Variants in SLC6A17 observed in about 807,000 individuals in gnomAD.
SLC6A17 encodes sodium-dependent neutral amino acid transporter SLC6A17.
Under a neutral mutation model 64.5 loss-of-function variants are expected in SLC6A17, and 21 were observed. The ratio of observed to expected loss-of-function variants is 0.33; its 90% confidence interval spans 0.23 to 0.47. The LOEUF is 0.47. Among genes scored for constraint, SLC6A17 ranks in the 20% least tolerant of loss-of-function variants. SLC6A17 has a pLI of 1.00. For missense variants in SLC6A17, 682 were observed against 963.2 expected (o/e 0.71, Z 3.86); for synonymous variants, 372 against 399.5 (o/e 0.93, Z 0.82).
At chr1:110,158,715 G>T (rs1010106754) in intron 1 of SLC6A17, among the ~76,000 whole-genome samples, 5 of 152,320 alleles carry the variant, frequency 3.3e-5, no homozygotes, top group South Asian at 2.1e-4. Flanking sequence ...GGTTTTCCTG[G>T]CTCTAAAACC....
At position 110,191,995 on chromosome 1, in the gene SLC6A17, G is replaced by T. The variant is rs1347907695; in HGVS notation, c.888G>T (p.Gln296His). The T allele has an allele frequency of 6.2e-7, 1 of 1,613,630 alleles. No homozygotes were observed. The highest frequency in any genetic ancestry group is 1.3e-5 in the African/African-American group (1 of 75,038). ...TPKLDKMLDP[Q>H]VWREAATQVF... ...AGCTGGACAAGATGCTGGACCCCCA[G>T]GTGTGGCGGGAGGCAGCTACCCAGG... is the stretch of plus-strand genomic sequence containing the variant. The change falls in exon 7 of 12, where the codon CAG becomes CAT. Residue 296 changes from glutamine to histidine, a missense_variant. Coordinates refer to ENST00000331565, the MANE Select transcript of SLC6A17 (RefSeq NM_001010898.4).
intron 6 of SLC6A17, among the ~76,000 whole-genome samples, chr1:110,185,175 A>G (rs940495816): frequency 6.6e-6 from 1 of 152,222 alleles, no homozygotes; most frequent in African/African-American, 2.4e-5. Flanking sequence ...CTTTGCCCTG[A>G]GGGTCTCAGT....
chr1:110,167,109 G>T lies in SLC6A17; in HGVS notation c.180G>T (p.Arg60=), dbSNP rs771431886. 8.1e-6 allele frequency: 13 copies of T among 1,612,990 alleles called. No homozygotes were observed. In the East Asian group the frequency reaches 2.9e-4, roughly 36 times the overall value. The change falls in exon 2 of 12, where the codon CGG becomes CGT. Residue 60 remains arginine, a synonymous_variant. Coordinates refer to ENST00000331565, the MANE Select transcript of SLC6A17 (RefSeq NM_001010898.4). ...AVEEELDAED[R]PAWNSKLQYI... ...AGGAGGAGCTGGATGCAGAGGACCG[G>T]CCGGCCTGGAACAGTAAGCTGCAGT...
chr1:110,159,405 C>T (rs1449361209), intron 1 of SLC6A17, among the ~76,000 whole-genome samples: 1 of 152,216 alleles, frequency 6.6e-6, no homozygotes, highest in Non-Finnish European at 1.5e-5. Context: ...AGTTCCTCCC[C>T]CTCTGGACCA....
rs184557749 is a variant in SLC6A17 at position 110,197,581 on chromosome 1, C to T, written c.1797C>T (p.Ser599=). The change falls in exon 11 of 12, where the codon AGC becomes AGT. Residue 599 remains serine, a synonymous_variant. Transcript: ENST00000331565. The part of the protein sequence containing the change: ...IQLGVTPPGY[S]AWIKEEAAER... ...TGGGGGTCACGCCCCCGGGCTACAG[C>T]GCCTGGATCAAGGAGGAGGTGAGGG... is the stretch of plus-strand genomic sequence containing the variant. 1.8e-5 allele frequency: 29 copies of T among 1,604,384 alleles called. No homozygotes were observed. The highest frequency in any genetic ancestry group is 1.7e-4 in the Middle Eastern group (1 of 5,980).
intron 1 of SLC6A17, among the ~76,000 whole-genome samples, chr1:110,153,519 ATGTGTGTGTGTG>A (rs3222731): frequency 2.2e-5 from 3 of 137,228 alleles, no homozygotes; most frequent in Non-Finnish European, 3.2e-5. Context: ...GCTACTGGAA[ATGTGTGTGTGTG>A]TGTGTGTGTG....
At chr1:110,187,253 C>T (rs1441097650) in intron 6 of SLC6A17, among the ~76,000 whole-genome samples, 2 of 152,188 alleles carry the variant, frequency 1.3e-5, no homozygotes, top group Non-Finnish European at 2.9e-5. Flanking sequence ...AATCGGGCAG[C>T]CTTCCGAGCC....
intron 6 of SLC6A17, among the ~76,000 whole-genome samples, chr1:110,181,138 TC>T (rs1248420725): frequency 6.6e-6 from 1 of 152,228 alleles, no homozygotes; most frequent in Non-Finnish European, 1.5e-5. Context: ...TTACTTTCTT[TC>T]CATGTAGGTA....
rs1047825612 is a variant in SLC6A17, at chr1:110,200,450, A to G, written c.*2006A>G. The stretch of plus-strand genomic sequence containing the variant: ...TTAGCAACAGGAAAAGCAGAGCCCC[A>G]GGAGAGACACTCTACTATATATACT... On this transcript the variant is annotated 3_prime_UTR_variant, in exon 12 of 12. Coordinates refer to ENST00000331565, the MANE Select transcript of SLC6A17 (RefSeq NM_001010898.4). 2 of 234,038 alleles carry G rather than the reference A, an allele frequency of 8.5e-6. No individual in the cohort carries two copies. The highest frequency in any genetic ancestry group is 1.6e-5 in the Non-Finnish European group (2 of 122,158). 14.5% of individuals were successfully genotyped at this position (234,038 alleles called of 1,614,324 possible).
At chr1:110,191,875 C>T (rs1016849707) in intron 6 of SLC6A17, 97 bp from the exon 7 acceptor site, 7 of 1,527,428 alleles carry the variant, frequency 4.6e-6, no homozygotes, top group Non-Finnish European at 6.1e-6. Flanking sequence ...GCTGCTGCCT[C>T]TGAACTCTGT....
intron 6 of SLC6A17, 51 bp from the exon 7 acceptor site, chr1:110,191,921 C>G (rs770913950): frequency 6.3e-7 from 1 of 1,585,872 alleles, no homozygotes; most frequent in Non-Finnish European, 8.6e-7. Context: ...ATGAATAAAA[C>G]CATCCCCTCT....
Position 110,170,670 on chromosome 1 carries a change from G to A in SLC6A17, c.287-1390G>A, listed in dbSNP as rs144161856. Among the ~76,000 whole-genome samples the A allele has an allele frequency of 7.2e-3, 1,089 of 152,290 alleles. 10 individuals are homozygous for A. The highest frequency in any genetic ancestry group is 0.02 in the Middle Eastern group (6 of 294). ...CCTCTCTCCTTTGAGCACCATGATGGGGCTGCTTGTTAGTGACGAGTTGAA... is the reference window on the plus strand; with the variant it reads ...CCTCTCTCCTTTGAGCACCATGATGAGGCTGCTTGTTAGTGACGAGTTGAA... On this transcript the variant is annotated intron_variant, in intron 2 of 11. Coordinates refer to ENST00000331565, the MANE Select transcript of SLC6A17 (RefSeq NM_001010898.4).
chr1:110,187,319 G>A (rs1656711520), intron 6 of SLC6A17, among the ~76,000 whole-genome samples: 1 of 152,212 alleles, frequency 6.6e-6, no homozygotes, highest in Non-Finnish European at 1.5e-5. Flanking sequence ...TTTATGGACA[G>A]AAAAAGGAAA....
In SLC6A17 at chr1:110,189,152, G is replaced by A. The variant is rs537861622; in HGVS notation, c.865-2820G>A. Reference sequence around the variant, plus strand: ...TGCCAGCACACCTGCTACTCAGAAAGTCTATCTCCAGCTTGTCTCTCTCTG... The same window carrying A: ...TGCCAGCACACCTGCTACTCAGAAAATCTATCTCCAGCTTGTCTCTCTCTG... On this transcript the variant is annotated intron_variant, in intron 6 of 11. Coordinates refer to ENST00000331565, the MANE Select transcript of SLC6A17 (RefSeq NM_001010898.4). Among the ~76,000 whole-genome samples the A allele has an allele frequency of 2.0e-3, 299 of 152,340 alleles. 1 individual carries two copies. The highest frequency in any genetic ancestry group is 6.5e-3 in the African/African-American group (272 of 41,570).
chr1:110,196,581 C>T (rs1368896119), intron 10 of SLC6A17, among the ~76,000 whole-genome samples: 2 of 152,258 alleles, frequency 1.3e-5, no homozygotes, highest in African/African-American at 4.8e-5. Context: ...TGGACTCCTT[C>T]GGCAGTCTGG....
intron 6 of SLC6A17, among the ~76,000 whole-genome samples, chr1:110,190,531 C>T (rs1329740055): frequency 6.6e-6 from 1 of 152,184 alleles, no homozygotes; most frequent in Non-Finnish European, 1.5e-5. Flanking sequence ...CAGGTGGGCC[C>T]TGTGTCCTGG....
At chr1:110,194,918 A>G in intron 9 of SLC6A17, 147 bp downstream of exon 9, 1 of 980,314 alleles carries the variant, frequency 1.0e-6, no homozygotes, top group Non-Finnish European at 1.5e-6. Context: ...TGGCTGTGCC[A>G]CTCAGTGATT....
Position 110,166,833 on chromosome 1 carries a change from G to A in SLC6A17, c.-87-10G>A. 6.9e-7 allele frequency: 1 copy of A among 1,449,968 alleles called. No individual in the cohort carries two copies. The highest frequency in any genetic ancestry group is 9.2e-7 in the Non-Finnish European group (1 of 1,089,638). 89.8% of individuals were successfully genotyped at this position (1,449,968 alleles called of 1,614,324 possible). A position where few individuals can be genotyped will look rare whatever the true frequency, so the allele number is the denominator to read the frequency against. On this transcript the variant is annotated splice_polypyrimidine_tract_variant and intron_variant, in intron 1 of 11. Transcript: ENST00000331565. ...TCAGATAATCCTTTACTGCTCACCT[G>A]GTTTCCTAGGTCCCTGAATGAGAAG...
At chr1:110,152,478 C>G (rs1029460240) in intron 1 of SLC6A17, among the ~76,000 whole-genome samples, 5 of 152,146 alleles carry the variant, frequency 3.3e-5, no homozygotes, top group Non-Finnish European at 7.3e-5. Flanking sequence ...GCAGGAATGG[C>G]CTGAGCCCAA....
Sources: gnomAD v4.1 joint callset for allele counts (sites outside exome capture counted in the v4.1 genomes callset) on GRCh38, gnomAD v4.1.1 for gene constraint, MANE v1.5 for transcripts, NCBI Gene and HGNC (gene_info 2026-07-23, HGNC 2026-07-21) for gene names.